The following CFAP53 variants were observed in gnomAD, a reference collection of about 807,000 sequenced individuals.
CFAP53 encodes the protein cilia and flagella associated protein 53, also known as cilia- and flagella-associated protein 53.
In CFAP53, 62 loss-of-function variants were observed where a neutral mutation model predicts 59.7. The observed-to-expected ratio is 1.04, with a 90% confidence interval of 0.85 to 1.28. CFAP53 has a LOEUF of 1.28. CFAP53 is among the 50% of genes most tolerant of loss of function. The pLI, the probability that CFAP53 is intolerant of heterozygous loss-of-function variation, is 0.00. For synonymous variants in CFAP53, 218 were observed against 205.7 expected, an observed-to-expected ratio of 1.06 and a Z score of -0.51; for missense variants, 629 against 615.6, an observed-to-expected ratio of 1.02 and a Z score of -0.23.
intron 3 of CFAP53, among the ~76,000 whole-genome samples, chr18:50,254,952 A>C (rs1029869622): frequency 3.9e-5 from 6 of 152,212 alleles, no homozygotes; most frequent in African/African-American, 1.2e-4. Context: ...TATCCTCAAT[A>C]AACAAAAACA....
Position 50,262,213 on chromosome 18 carries a change from T to C in CFAP53, c.76A>G (p.Lys26Glu). ...TCAGCTCCTTGGCCTTTAGGAGGCT[T>C]GGATCTCTGAAAACAAAAACCAACT... The part of the protein sequence containing the change: ...PTPKVVIVRS[K>E]PPKGQGAEHH... The change falls in exon 2 of 8, where the codon AAG becomes GAG. Residue 26 changes from lysine (K) to glutamate (E), a missense_variant. Lys to Glu is a moderately conservative substitution (Grantham distance 56). Coordinates refer to ENST00000398545, the MANE Select transcript of CFAP53 (RefSeq NM_145020.5). 3 of 1,611,992 alleles carry C rather than the reference T, an allele frequency of 1.9e-6. No homozygotes were observed. The highest frequency in any genetic ancestry group is 1.7e-6 in the Non-Finnish European group (2 of 1,178,182).
chr18:50,258,779 C>G (rs1409321284), intron 3 of CFAP53, among the ~76,000 whole-genome samples: 3 of 151,956 alleles, frequency 2.0e-5, no homozygotes, highest in African/African-American at 7.2e-5. Context: ...ATATTCCAAT[C>G]AAAAAATGGA....
At chr18:50,247,323 GT>G (rs1195248164) in intron 5 of CFAP53, among the ~76,000 whole-genome samples, 1 of 152,208 alleles carries the variant, frequency 6.6e-6, no homozygotes, top group Non-Finnish European at 1.5e-5. Context: ...TGGTGAGCAT[GT>G]GGATAAATCA....
chr18:50,257,441 A>T (rs1162241522), intron 3 of CFAP53, among the ~76,000 whole-genome samples: 1 of 152,266 alleles, frequency 6.6e-6, no homozygotes, highest in Non-Finnish European at 1.5e-5. Context: ...CAAAATCAAC[A>T]TACAAAAACC....
chr18:50,244,065 T>G (rs1186955151), intron 5 of CFAP53, among the ~76,000 whole-genome samples: 1 of 152,180 alleles, frequency 6.6e-6, no homozygotes, highest in African/African-American at 2.4e-5. Flanking sequence ...GCAGCTAAAG[T>G]TGAGACCTGC....
Position 50,266,493 on chromosome 18 carries a change from T to C in CFAP53, c.-89A>G. On this transcript the variant is annotated 5_prime_UTR_variant, in exon 1 of 8. Transcript: ENST00000398545. The stretch of plus-strand genomic sequence containing the variant: ...GGGACCCGCTTCCGCGACGCAGAAG[T>C]CTGGTTGCCATGGTGCGCCTCGCGG... The C allele has an allele frequency of 7.4e-7, 1 of 1,350,728 alleles. No individual in the cohort carries two copies. The highest frequency in any genetic ancestry group is 2.3e-5 in the East Asian group (1 of 43,662). 83.7% of individuals were successfully genotyped at this position (1,350,728 alleles called of 1,614,324 possible). A position where few individuals can be genotyped will look rare whatever the true frequency, so the allele number is the denominator to read the frequency against.
At chr18:50,245,900 G>A (rs2033739209) in intron 5 of CFAP53, among the ~76,000 whole-genome samples, 1 of 151,878 alleles carries the variant, frequency 6.6e-6, no homozygotes, top group Non-Finnish European at 1.5e-5. Flanking sequence ...TGTCCAGGTT[G>A]GAGTGCAATG....
At position 50,227,602 on chromosome 18, in the gene CFAP53, G is replaced by T. The variant is rs765262031; in HGVS notation, c.1324C>A (p.Arg442Ser). The T allele has an allele frequency of 8.7e-6, 14 of 1,612,764 alleles. No homozygotes were observed. Among genetic ancestry groups the T allele is most frequent in the Non-Finnish European group, 1.2e-5 (14 of 1,178,738 alleles). The change falls in exon 8 of 8, where the codon CGT becomes AGT. Residue 442 changes from arginine (R) to serine (S), a missense_variant. Arg to Ser is a moderately radical substitution (Grantham distance 110). Transcript: ENST00000398545. Reference sequence around the variant, plus strand: ...TGCTTCCTGTACTCCTGGGCTAAACGTTGGCGTCTAAAGTATTAGAAATGT... The same window carrying T: ...TGCTTCCTGTACTCCTGGGCTAAACTTTGGCGTCTAAAGTATTAGAAATGT... ...EEKENFARRQ[R>S]LAQEYRKQLQ...
In CFAP53 at chr18:50,266,337, A is replaced by G. The variant is rs1322326652; in HGVS notation, c.68T>C (p.Val23Ala). 1 of 1,614,174 alleles carries G rather than the reference A, an allele frequency of 6.2e-7. No individual in the cohort carries two copies. The highest frequency in any genetic ancestry group is 1.1e-5 in the South Asian group (1 of 91,090). Reference protein sequence around the residue: ...VKGPTPKVVIVRSKPPKGQGA... With the variant: ...VKGPTPKVVIARSKPPKGQGA... ...CTGGCAGACATATCCTGTGCTTACC[A>G]CGATCACCACTTTGGGGGTGGGGCC... Residue 23 changes from valine (V) to alanine (A), a missense_variant and splice_region_variant, in exon 1 of 8, where the codon GTG (valine) becomes GCG (alanine). By Grantham distance (64) the Val-to-Ala change is moderately conservative (BLOSUM62 0). Transcript: ENST00000398545.
chr18:50,240,125 ACT>A (rs1455776886), intron 6 of CFAP53, among the ~76,000 whole-genome samples: 1 of 151,582 alleles, frequency 6.6e-6, no homozygotes, highest in African/African-American at 2.4e-5. Context: ...TACCTGCTCC[ACT>A]CTGACTCATT....
intron 3 of CFAP53, among the ~76,000 whole-genome samples, chr18:50,252,739 TG>T (rs2033812982): frequency 6.6e-6 from 1 of 152,242 alleles, no homozygotes; most frequent in South Asian, 2.1e-4. Flanking sequence ...ATAGGATATC[TG>T]GCCAGGCATG....
intron 3 of CFAP53, among the ~76,000 whole-genome samples, chr18:50,255,444 T>C (rs998153350): frequency 2.0e-5 from 3 of 152,178 alleles, no homozygotes; most frequent in Non-Finnish European, 4.4e-5. Flanking sequence ...ATCAGTTTCC[T>C]TGTCTTAATA....
chr18:50,250,646 T>C (rs2033788941), intron 5 of CFAP53, 112 bp downstream of exon 5: 1 of 798,320 alleles, frequency 1.3e-6, no homozygotes, highest in Non-Finnish European at 2.1e-6. Flanking sequence ...TGTTGGCTTG[T>C]GGACCACACT....
chr18:50,227,554 G>C lies in CFAP53; in HGVS notation c.1372C>G (p.Gln458Glu), dbSNP rs1249426316. 5.6e-6 allele frequency: 9 copies of C among 1,614,022 alleles called. No homozygotes were observed. In the Admixed American group the frequency reaches 6.7e-5, roughly 12 times the overall value. ...TTCTCTGCTTCTTGGGACTGCTGCT[G>C]GTAGGCGATTTGCATCTGAAGTTGC... Reference protein sequence around the residue: ...RKQLQMQIAYQQQSQEAEKEE... With the variant: ...RKQLQMQIAYEQQSQEAEKEE... Residue 458 changes from glutamine (Q) to glutamate (E), a missense_variant, in exon 8 of 8, where the codon CAG (glutamine) becomes GAG (glutamate). Coordinates refer to ENST00000398545, the MANE Select transcript of CFAP53 (RefSeq NM_145020.5).
rs1385066095 is a variant in CFAP53, at chr18:50,243,042, C to G, written c.1071G>C (p.Glu357Asp). The change falls in exon 6 of 8, where the codon GAG becomes GAC. Residue 357 changes from glutamate (E) to aspartate (D), a missense_variant. Glu to Asp is a conservative substitution (Grantham distance 45). Coordinates refer to ENST00000398545, the MANE Select transcript of CFAP53 (RefSeq NM_145020.5). ...AQRREEEKAQ[E>D]KEFDRILEED... ...CCTCTAATATTCTGTCAAATTCTTT[C>G]TCCTGAGCTTTTTCTTCCTCACGTC... The G allele has an allele frequency of 1.2e-6, 2 of 1,613,904 alleles. No homozygotes were observed. Among genetic ancestry groups the G allele is most frequent in the Non-Finnish European group, 1.7e-6 (2 of 1,179,964 alleles).
At chr18:50,261,042 G>T (rs1167315891) in intron 3 of CFAP53, 22 bp downstream of exon 3, 1 of 1,585,274 alleles carries the variant, frequency 6.3e-7, no homozygotes, top group South Asian at 1.2e-5. Flanking sequence ...GATTCTGTTT[G>T]TGTGTTTTCT....
intron 2 of CFAP53, among the ~76,000 whole-genome samples, 188 bp from the exon 3 acceptor site, chr18:50,261,425 C>T (rs781548303): frequency 9.2e-5 from 14 of 152,008 alleles, no homozygotes; most frequent in Admixed American, 6.6e-4. Context: ...GACAGGATCT[C>T]GCTCTGTCAC....
At chr18:50,263,413 A>G (rs2144438831) in intron 1 of CFAP53, among the ~76,000 whole-genome samples, 1 of 152,328 alleles carries the variant, frequency 6.6e-6, no homozygotes, top group East Asian at 1.9e-4. Context: ...AGGAAAGAAA[A>G]TCAACATTTG....
intron 5 of CFAP53, among the ~76,000 whole-genome samples, chr18:50,247,089 T>C (rs559099364): frequency 8.7e-5 from 13 of 150,156 alleles, no homozygotes; most frequent in Non-Finnish European, 1.5e-4. Context: ...AAAGGACCAA[T>C]AACCCAACTA....
Sources: allele counts gnomAD v4.1 joint callset (sites outside exome capture counted in the v4.1 genomes callset), GRCh38; gene constraint gnomAD v4.1.1; transcripts MANE v1.5; gene names NCBI Gene and HGNC (gene_info 2026-07-23, HGNC 2026-07-21).